Variants in GPATCH2L observed in about 807,000 individuals in gnomAD.
The protein encoded by GPATCH2L is G patch domain-containing protein 2-like.
In GPATCH2L, 31 loss-of-function variants were observed where a neutral mutation model predicts 57.4. The ratio of observed to expected loss-of-function variants is 0.54; its 90% CI spans 0.41 to 0.73. The LOEUF (loss-of-function observed/expected upper bound fraction) is 0.73, where lower values mean the gene tolerates loss of function less well. Ranked by LOEUF, GPATCH2L falls within the 30% of genes least tolerant of loss-of-function variation. The probability of loss-of-function intolerance (pLI) is 0.00; values close to 1 mark genes in which losing one functional copy is unlikely to be tolerated. For missense variants in GPATCH2L, 481 were observed against 599.9 expected (o/e 0.80, Z 2.07); for synonymous variants, 199 against 210.7 (o/e 0.94, Z 0.48).
chr14:76,224,663 T>C (rs1021905332), intron 1 of GPATCH2L, among the ~76,000 whole-genome samples: 4 of 152,150 alleles, frequency 2.6e-5, no homozygotes, highest in Non-Finnish European at 2.9e-5. Context: ...TTAAACATTG[T>C]ACTAGAGATC....
At position 76,213,578 on chromosome 14, in the gene GPATCH2L, G is replaced by C. The variant is rs1418245374; in HGVS notation, c.*11727G>C. On this transcript the variant is annotated 3_prime_UTR_variant, in exon 10 of 10. Coordinates refer to ENST00000261530, the MANE Select transcript of GPATCH2L (RefSeq NM_017926.4). Reference sequence around the variant, plus strand: ...CAAAAGCTCACCAGCCAGAGATAAAGTGAGGCCAGCTCAGGGAATGTGAGC... The same window carrying C: ...CAAAAGCTCACCAGCCAGAGATAAACTGAGGCCAGCTCAGGGAATGTGAGC... The C allele has an allele frequency of 6.6e-6, 1 of 152,142 alleles. No individual in the cohort carries two copies. The highest frequency in any genetic ancestry group is 1.5e-5 in the Non-Finnish European group (1 of 68,036). 9.4% of individuals were successfully genotyped at this position (152,142 alleles called of 1,614,324 possible).
intron 3 of GPATCH2L, among the ~76,000 whole-genome samples, chr14:76,169,270 T>G (rs2139642397): frequency 6.6e-6 from 1 of 152,346 alleles, no homozygotes; most frequent in Middle Eastern, 3.4e-3. Context: ...TGTTTGTAGG[T>G]ACGAGTCTTT....
At chr14:76,231,568 T>C (rs982725656) in intron 2 of GPATCH2L, among the ~76,000 whole-genome samples, 2 of 151,454 alleles carry the variant, frequency 1.3e-5, no homozygotes, top group Non-Finnish European at 2.9e-5. Context: ...TGAACCATCT[T>C]CCTTTATGCT....
intron 2 of GPATCH2L, among the ~76,000 whole-genome samples, chr14:76,157,289 T>C (rs569480051): frequency 6.6e-6 from 1 of 152,352 alleles, no homozygotes; most frequent in East Asian, 1.9e-4. Context: ...TGACTGAATG[T>C]TGTGTTCAGC....
In GPATCH2L at chr14:76,154,435, G is replaced by A. The variant is rs553657798; in HGVS notation, c.72G>A (p.Leu24=). ...CTGAGCAGAATAAGCTTGGTGAACT[G>A]TGGGAGGAGATGGCGCTGAGCCCCC... is the stretch of plus-strand genomic sequence containing the variant. ...QTSEQNKLGE[L]WEEMALSPRQ... is the part of the protein sequence containing the mutation. Residue 24 remains leucine, a synonymous_variant, in exon 2 of 10, where the codon CTG becomes CTA. Transcript: ENST00000261530. This position sits in a 1 kb window ranked among gnomAD's most constrained non-coding sequence, Gnocchi z 4.4. The A allele has an allele frequency of 1.2e-6, 2 of 1,614,144 alleles. No homozygotes were observed. Among genetic ancestry groups the A allele is most frequent in the African/African-American group, 1.3e-5 (1 of 75,060 alleles).
intron 9 of GPATCH2L, among the ~76,000 whole-genome samples, chr14:76,199,910 C>A (rs569496947): frequency 2.6e-5 from 4 of 152,294 alleles, no homozygotes; most frequent in Non-Finnish European, 5.9e-5. Context: ...AAGGTGGAAA[C>A]AAATCACATG....
In GPATCH2L at chr14:76,211,198, AAGAG is replaced by A. The variant is rs1222356114; in HGVS notation, c.*9351_*9354del. ...CACATGTAAAGCTTACAGAGGAACA[AAGAG>A]AGAAAGGCAAGAGCCAGGAAGTGAA... On this transcript the variant is annotated 3_prime_UTR_variant, in exon 10 of 10. Transcript: ENST00000261530. 6.6e-6 allele frequency: 1 copy of A among 152,278 alleles called. No homozygotes were observed. The highest frequency in any genetic ancestry group is 1.5e-5 in the Non-Finnish European group (1 of 68,094). The allele number at this position is 152,278 out of a possible 1,614,324, so 9.4% of individuals were successfully genotyped here.
At chr14:76,232,370 G>A (rs2040576193) in intron 2 of GPATCH2L, among the ~76,000 whole-genome samples, 1 of 152,072 alleles carries the variant, frequency 6.6e-6, no homozygotes, top group South Asian at 2.1e-4. Context: ...CGCCATCTCG[G>A]CTCACTGCAA....
chr14:76,159,815 A>G (rs1366363218), intron 2 of GPATCH2L, among the ~76,000 whole-genome samples: 2 of 152,144 alleles, frequency 1.3e-5, no homozygotes, highest in African/African-American at 4.8e-5. Flanking sequence ...GTATTCTGGG[A>G]GTTAGAGCCA....
Position 76,195,913 on chromosome 14 carries a change from G to T in GPATCH2L, c.1229G>T (p.Arg410Leu). The T allele has an allele frequency of 6.2e-7, 1 of 1,613,784 alleles. No homozygotes were observed. Among genetic ancestry groups the T allele is most frequent in the Non-Finnish European group, 8.5e-7 (1 of 1,179,764 alleles). ...GTACACTGGGGACCACCATGTTCAC[G>T]TGACATCAAGAGGAAGCGGAAACCA... is the stretch of plus-strand genomic sequence containing the variant. ...ANVHWGPPCS[R>L]DIKRKRKPVA... Residue 410 changes from arginine (R) to leucine (L), a missense_variant, in exon 9 of 10, where the codon CGT becomes CTT. Transcript: ENST00000261530.
intron 2 of GPATCH2L, among the ~76,000 whole-genome samples, chr14:76,231,079 T>G (rs74069122): frequency 5.1e-4 from 77 of 152,384 alleles, no homozygotes; most frequent in African/African-American, 1.8e-3. Context: ...TTCAGCCTTC[T>G]GACACTCTTT....
intron 2 of GPATCH2L, among the ~76,000 whole-genome samples, chr14:76,233,965 G>A (rs775836122): frequency 6.6e-6 from 1 of 151,938 alleles, no homozygotes; most frequent in Non-Finnish European, 1.5e-5. Context: ...GGAAAAATTA[G>A]CCATGTGCAG....
intron 8 of GPATCH2L, among the ~76,000 whole-genome samples, chr14:76,189,008 C>G (rs943686553): frequency 6.6e-6 from 1 of 151,822 alleles, no homozygotes; most frequent in African/African-American, 2.4e-5. Context: ...AAAATGAGGT[C>G]ACTCTGCATG....
At chr14:76,187,470 A>G (rs1299833867) in intron 8 of GPATCH2L, among the ~76,000 whole-genome samples, 5 of 152,138 alleles carry the variant, frequency 3.3e-5, no homozygotes, top group Admixed American at 3.3e-4. Context: ...TGGAATATAT[A>G]TATGAACTTT....
At chr14:76,152,134 C>T (rs915635325) in intron 1 of GPATCH2L, 143 bp downstream of exon 1, 2 of 152,538 alleles carry the variant, frequency 1.3e-5, no homozygotes, top group African/African-American at 2.4e-5. Flanking sequence ...TGGGGCCTTG[C>T]TTTTCAGGGC....
In GPATCH2L at chr14:76,211,141, A is replaced by G. The variant is rs2040436097; in HGVS notation, c.*9290A>G. 6.6e-6 allele frequency: 1 copy of G among 152,254 alleles called. No homozygotes were observed. The highest frequency in any genetic ancestry group is 2.4e-5 in the African/African-American group (1 of 41,458). 9.4% of individuals were successfully genotyped at this position (152,254 alleles called of 1,614,324 possible). On this transcript the variant is annotated 3_prime_UTR_variant, in exon 10 of 10. Transcript: ENST00000261530. ...CCCTCCAAGGGTAAAAGCATGGTTTATTCAGAGCACTGCAAGTGTTTTAGT... is the reference window on the plus strand; with the variant it reads ...CCCTCCAAGGGTAAAAGCATGGTTTGTTCAGAGCACTGCAAGTGTTTTAGT...
Position 76,162,315 on chromosome 14 carries a change from G to C in GPATCH2L, c.663-4348G>C, listed in dbSNP as rs59666429. Among the ~76,000 whole-genome samples, 583 of 152,240 alleles carry C rather than the reference G, an allele frequency of 3.8e-3. 3 individuals carry two copies. Among genetic ancestry groups the C allele is most frequent in the African/African-American group, 0.013 (552 of 41,546 alleles). ...CATGGGCCTCTCCGCATGCCCATCC[G>C]CATCTGTAGGACATGGTAGTTGGCT... is the stretch of plus-strand genomic sequence containing the variant. On this transcript the variant is annotated intron_variant, in intron 2 of 9. Coordinates refer to ENST00000261530, the MANE Select transcript of GPATCH2L (RefSeq NM_017926.4).
intron 9 of GPATCH2L, among the ~76,000 whole-genome samples, chr14:76,200,193 T>A (rs2040274682): frequency 6.6e-6 from 1 of 152,186 alleles, no homozygotes; most frequent in Admixed American, 6.5e-5. Context: ...GGAGTTATTG[T>A]TTAATGGGTA....
chr14:76,155,019 C>A lies in GPATCH2L; in HGVS notation c.656C>A (p.Ser219Ter). ...AAACAGGGCTCTGATGAGAACATGT[C>A]AGAATGGTGAGATCTCCCTTACTAA... ...EQKQGSDENM[S>*]ECETSSVCSS... is the part of the protein sequence containing the mutation. The change falls in exon 2 of 10, where the codon TCA (serine) becomes TAA (stop). Residue 219 changes from serine (S) to a stop codon, truncating the protein, a stop_gained. Transcript: ENST00000261530. LOFTEE classifies it high-confidence loss of function. 1 of 1,607,288 alleles carries A rather than the reference C, an allele frequency of 6.2e-7. No homozygotes were observed. The highest frequency in any genetic ancestry group is 1.1e-5 in the South Asian group (1 of 90,856).
Sources: gnomAD v4.1 joint callset for allele counts (sites outside exome capture counted in the v4.1 genomes callset) on GRCh38, gnomAD v4.1.1 for gene constraint, Gnocchi (gnomAD v3.1) non-coding constraint, MANE v1.5 for transcripts, NCBI Gene and HGNC (gene_info 2026-07-23, HGNC 2026-07-21) for gene names.